UTRN: variants seen among roughly 807,000 people sequenced by gnomAD.
UTRN encodes the protein dystrophin-related protein 1.
In UTRN, 283 loss-of-function variants were observed where a neutral mutation model predicts 463.9. The observed-to-expected ratio is 0.61, with a 90% CI of 0.55 to 0.67. UTRN has a LOEUF of 0.67. Among genes scored for constraint, UTRN ranks in the 30% least tolerant of loss-of-function variants. The pLI is 0.00. For missense variants in UTRN, 3,922 were observed against 4,084.3 expected (o/e 0.96, Z 1.08); for synonymous variants, 1,442 against 1,431.5 (o/e 1.01, Z -0.17).
At chr6:144,641,819 C>T (rs908491835) in intron 51 of UTRN, among the ~76,000 whole-genome samples, 1 of 152,130 alleles carries the variant, frequency 6.6e-6, no homozygotes, top group Non-Finnish European at 1.5e-5. Flanking sequence ...AATAATATTG[C>T]CATGAATAAA....
intron 2 of UTRN, among the ~76,000 whole-genome samples, chr6:144,334,796 C>T (rs957656625): frequency 3.9e-5 from 6 of 152,210 alleles, no homozygotes; most frequent in Admixed American, 1.3e-4. Context: ...GGCTCAATAG[C>T]TGGGAGCTGG....
chr6:144,643,769 C>T (rs900980367), intron 51 of UTRN, among the ~76,000 whole-genome samples: 2 of 149,946 alleles, frequency 1.3e-5, no homozygotes, highest in African/African-American at 5.0e-5. Flanking sequence ...TGCACTCCAG[C>T]CTGGACAAGA....
In UTRN at chr6:144,458,635, T is replaced by C. The variant is rs1789108674; in HGVS notation, c.2285-135T>C. ...GCATCATTATAAATTTTTGTTGTTG[T>C]ATTAAAAGGGACTTAAGAAAGTGAT... On this transcript the variant is annotated intron_variant, in intron 19 of 74. Transcript: ENST00000367545. 6.0e-6 allele frequency: 6 copies of C among 996,792 alleles called. No homozygotes were observed. The South Asian group carries it at 1.5e-4, about 24-fold the overall frequency. The allele number at this position is 996,792 out of a possible 1,614,324, so 61.7% of individuals were successfully genotyped here.
chr6:144,806,995 T>A (rs1350721281), intron 65 of UTRN, among the ~76,000 whole-genome samples: 4 of 152,214 alleles, frequency 2.6e-5, no homozygotes, highest in Non-Finnish European at 5.9e-5. Context: ...TAAAGTCGTT[T>A]CATGTCTGCC....
At chr6:144,339,533 C>T (rs917824256) in intron 2 of UTRN, among the ~76,000 whole-genome samples, 2 of 151,820 alleles carry the variant, frequency 1.3e-5, no homozygotes, top group Admixed American at 6.6e-5. Flanking sequence ...ATGAAGGGAA[C>T]ATGAGAACTC....
intron 54 of UTRN, among the ~76,000 whole-genome samples, chr6:144,740,380 T>C (rs1401644253): frequency 6.6e-6 from 1 of 152,208 alleles, no homozygotes; most frequent in Admixed American, 6.5e-5. Flanking sequence ...CATAATGGAA[T>C]CATAAACAGT....
intron 58 of UTRN, among the ~76,000 whole-genome samples, chr6:144,762,319 G>T (rs1211815436): frequency 2.0e-5 from 3 of 152,144 alleles, no homozygotes; most frequent in Non-Finnish European, 4.4e-5. Context: ...GAAGTTTTTA[G>T]TCCCATGGAA....
intron 48 of UTRN, among the ~76,000 whole-genome samples, chr6:144,553,917 A>G (rs1290520846): frequency 3.3e-4 from 36 of 108,750 alleles, no homozygotes; most frequent in African/African-American, 1.9e-3. Context: ...CTCTCTCTCA[A>G]AAAAAAAAAA....
intron 51 of UTRN, among the ~76,000 whole-genome samples, chr6:144,675,541 G>A (rs1781505113): frequency 6.6e-6 from 1 of 152,192 alleles, no homozygotes; most frequent in Non-Finnish European, 1.5e-5. Context: ...TTTGGAGCAG[G>A]GTTGTTCTGT....
chr6:144,434,881 G>A (rs9484876), intron 9 of UTRN, among the ~76,000 whole-genome samples: 3,355 of 152,268 alleles, frequency 0.022, 133 homozygotes, highest in African/African-American at 0.076. Context: ...TGGGTGGCCA[G>A]CTCTCCGGGC....
intron 2 of UTRN, among the ~76,000 whole-genome samples, chr6:144,303,270 TG>T (rs1395431258): frequency 2.0e-5 from 3 of 152,170 alleles, no homozygotes; most frequent in Non-Finnish European, 2.9e-5. Flanking sequence ...ACTTCGCCTT[TG>T]TGGGATTTGT....
At chr6:144,493,250 C>A in intron 32 of UTRN, 51 bp from the exon 33 acceptor site, 2 of 1,584,194 alleles carry the variant, frequency 1.3e-6, no homozygotes, top group Admixed American at 1.7e-5. Flanking sequence ...TGCCAGTTGG[C>A]AAGTTGTCAC....
At chr6:144,671,441 T>C (rs1781018572) in intron 51 of UTRN, among the ~76,000 whole-genome samples, 1 of 152,112 alleles carries the variant, frequency 6.6e-6, no homozygotes, top group African/African-American at 2.4e-5. Flanking sequence ...CTCGGCTTGG[T>C]CACTGTTGGT....
intron 34 of UTRN, among the ~76,000 whole-genome samples, chr6:144,510,536 T>C (rs974810959): frequency 3.9e-5 from 6 of 152,230 alleles, no homozygotes; most frequent in Admixed American, 2.6e-4. Context: ...ATAAATTCAT[T>C]GTGAATTTTT....
At chr6:144,744,080 A>C (rs1204179222) in intron 54 of UTRN, among the ~76,000 whole-genome samples, 2 of 148,338 alleles carry the variant, frequency 1.3e-5, no homozygotes, top group African/African-American at 4.9e-5. Context: ...ATGAGGCCAG[A>C]AGTTTGAGAC....
intron 2 of UTRN, among the ~76,000 whole-genome samples, chr6:144,325,878 T>TA (rs371007648): frequency 0.031 from 4,522 of 148,078 alleles, 202 homozygotes; most frequent in African/African-American, 0.1. Context: ...CAGAATGTGA[T>TA]AAAAAAAAAA....
At chr6:144,819,911 C>CCTCCTCTCT (rs11397588) in intron 65 of UTRN, among the ~76,000 whole-genome samples, 153 of 118,606 alleles carry the variant, frequency 1.3e-3, no homozygotes, top group African/African-American at 4.9e-3. Flanking sequence ...TCCTCCTCCT[C>CCTCCTCTCT]CTCTCTCTCT....
chr6:144,551,476 C>G (rs1183877376), intron 48 of UTRN, among the ~76,000 whole-genome samples: 1 of 152,200 alleles, frequency 6.6e-6, no homozygotes. Flanking sequence ...TCTTTTAACT[C>G]AACCCAAAAT....
chr6:144,830,266 AAGTC>A (rs1234014880), intron 69 of UTRN, among the ~76,000 whole-genome samples: 4 of 152,162 alleles, frequency 2.6e-5, no homozygotes, highest in East Asian at 1.9e-4. Flanking sequence ...GAAAAGAAAA[AAGTC>A]AGAAGATTAA....
Sources: gnomAD v4.1 joint callset for allele counts (sites outside exome capture counted in the v4.1 genomes callset) on GRCh38, gnomAD v4.1.1 for gene constraint, MANE v1.5 for transcripts, NCBI Gene and HGNC (gene_info 2026-07-23, HGNC 2026-07-21) for gene names.